The following RTL9 variants were observed in gnomAD, a reference collection of about 807,000 sequenced individuals.
The protein encoded by RTL9 is retrotransposon Gag-like protein 9.
A neutral mutation model predicts 44.7 loss-of-function variants in RTL9; 19 were observed. The ratio of observed to expected loss-of-function variants is 0.42; its 90% CI spans 0.30 to 0.62. RTL9 has a LOEUF of 0.62. Among genes scored for constraint, RTL9 ranks in the 20% least tolerant of loss-of-function variants. The pLI, the probability that RTL9 is intolerant of heterozygous loss-of-function variation, is 0.16. For synonymous variants in RTL9, 407 were observed against 398.9 expected, an observed-to-expected ratio of 1.02 and a Z score of -0.24; for missense variants, 1,105 against 1,080.6, an observed-to-expected ratio of 1.02 and a Z score of -0.32.
chrX:110,428,605 C>A (rs1413010460), intron 1 of RTL9, among the ~76,000 whole-genome samples: 1 of 111,252 alleles, frequency 9.0e-6, no homozygotes. Context: ...AACACTCCCC[C>A]CCTCTCCAAG....
At chrX:110,394,069 C>T (rs1206242904) in intron 1 of RTL9, among the ~76,000 whole-genome samples, 1 of 112,226 alleles carries the variant, frequency 8.9e-6, no homozygotes, top group Non-Finnish European at 1.9e-5. Context: ...TATTCCTTGA[C>T]CTGACCCGCC....
chrX:110,402,796 G>A (rs768776147), intron 1 of RTL9, among the ~76,000 whole-genome samples: 1 of 112,242 alleles, frequency 8.9e-6, no homozygotes, highest in South Asian at 3.8e-4. Context: ...TGTAGGTGAT[G>A]GTTGGGGGTA....
Position 110,402,753 on chromosome X carries a change from A to G in RTL9, c.-167-42400A>G, listed in dbSNP as rs368455132. On this transcript the variant is annotated intron_variant, in intron 1 of 2. Coordinates refer to the RTL9 transcript ENST00000520821. ...GCTTTTGGAGGGAGGTCTAAAGACAAAAAGAGGGCTTTAGTTATTTTTTGA... is the reference window on the plus strand; with the variant it reads ...GCTTTTGGAGGGAGGTCTAAAGACAGAAAGAGGGCTTTAGTTATTTTTTGA... 1.8e-4 allele frequency among the ~76,000 whole-genome samples: 20 copies of G among 112,508 alleles called. No homozygotes were observed. In the East Asian group the frequency reaches 5.6e-3, roughly 32 times the overall value.
intron 1 of RTL9, among the ~76,000 whole-genome samples, chrX:110,377,062 G>A (rs2068381954): frequency 9.0e-6 from 1 of 111,530 alleles, no homozygotes; most frequent in African/African-American, 3.3e-5. Flanking sequence ...GGGGCCACTA[G>A]TAGACAGTAA....
intron 1 of RTL9, among the ~76,000 whole-genome samples, chrX:110,412,507 C>T (rs909258775): frequency 1.8e-5 from 2 of 111,877 alleles, no homozygotes; most frequent in Non-Finnish European, 3.8e-5. Context: ...TGTGTGACTT[C>T]GACCAAGTTT....
chrX:110,363,914 A>T (rs186167081), intron 1 of RTL9, among the ~76,000 whole-genome samples: 318 of 112,234 alleles, frequency 2.8e-3, no homozygotes, highest in Non-Finnish European at 5.3e-3. Flanking sequence ...GACGGAACTG[A>T]GGCTCAGAGA....
chrX:110,429,777 C>T (rs1299247304), intron 1 of RTL9, among the ~76,000 whole-genome samples: 1 of 112,347 alleles, frequency 8.9e-6, no homozygotes, highest in East Asian at 2.8e-4. Context: ...GCCACCATGC[C>T]TGGCTAGAAA....
intron 1 of RTL9, among the ~76,000 whole-genome samples, chrX:110,360,010 C>T (rs189465299): frequency 7.9e-4 from 89 of 112,023 alleles, no homozygotes; most frequent in Non-Finnish European, 5.1e-4. Flanking sequence ...CAGAGAAAAG[C>T]ATAGTATTTG....
upstream of RTL9, chrX:110,450,558 T>C: frequency 9.7e-7 from 1 of 1,031,891 alleles, no homozygotes; most frequent in Non-Finnish European, 1.3e-6. Flanking sequence ...ACTTGTTTCT[T>C]GTTTACAGAT....
At chrX:110,420,755 A>G (rs866948387) in intron 1 of RTL9, among the ~76,000 whole-genome samples, 4 of 111,675 alleles carry the variant, frequency 3.6e-5, no homozygotes, top group Non-Finnish European at 7.5e-5. Flanking sequence ...ACATTTTCCC[A>G]ACTGGCCTCC....
At chrX:110,432,363 C>T (rs993740283) in intron 1 of RTL9, among the ~76,000 whole-genome samples, 4 of 112,377 alleles carry the variant, frequency 3.6e-5, no homozygotes, top group Admixed American at 2.8e-4. Flanking sequence ...TTAGCTGTGG[C>T]ATCAGCAGCA....
intron 1 of RTL9, among the ~76,000 whole-genome samples, chrX:110,365,580 C>A (rs1311332336): frequency 8.9e-6 from 1 of 111,972 alleles, no homozygotes; most frequent in East Asian, 2.8e-4. Context: ...TAATCTCTCT[C>A]TAATATCTTA....
chrX:110,407,481 AT>A (rs977691756), intron 1 of RTL9, among the ~76,000 whole-genome samples: 4 of 112,403 alleles, frequency 3.6e-5, no homozygotes, highest in African/African-American at 9.7e-5. Context: ...AATAACAACC[AT>A]TTACTAGCAG....
intron 1 of RTL9, among the ~76,000 whole-genome samples, chrX:110,380,201 G>A (rs1278619657): frequency 8.9e-6 from 1 of 111,769 alleles, no homozygotes; most frequent in Non-Finnish European, 1.9e-5. Flanking sequence ...AGGAATTAAG[G>A]TTGCAAAATT....
At position 110,373,785 on chromosome X, in the gene RTL9, T is replaced by C. The variant is rs780505963; in HGVS notation, c.-168+14869T>C. On this transcript the variant is annotated intron_variant, in intron 1 of 2. Coordinates refer to the RTL9 transcript ENST00000520821. ...AAAGCAAGAGCACAACTTTCCTCGG[T>C]GTGTGTACACCAAATAAATAGGCCA... Among the ~76,000 whole-genome samples the C allele has an allele frequency of 2.5e-3, 279 of 112,010 alleles. 1 individual carries two copies. The highest frequency in any genetic ancestry group is 4.1e-3 in the Non-Finnish European group (218 of 53,122).
intron 1 of RTL9, among the ~76,000 whole-genome samples, chrX:110,365,636 C>T (rs2068292322): frequency 8.9e-6 from 1 of 111,905 alleles, no homozygotes; most frequent in Non-Finnish European, 1.9e-5. Context: ...CTGATTCTAT[C>T]AGTGTTCCTA....
chrX:110,450,325 G>A (rs765493118), upstream of RTL9, among the ~76,000 whole-genome samples: 1 of 111,506 alleles, frequency 9.0e-6, no homozygotes, highest in South Asian at 3.8e-4. Flanking sequence ...GGAGGCTGCT[G>A]GCGTTTATAG....
intron 1 of RTL9, among the ~76,000 whole-genome samples, chrX:110,379,438 C>A (rs949219255): frequency 2.7e-5 from 3 of 112,521 alleles, no homozygotes; most frequent in East Asian, 5.6e-4. Context: ...GTTGTGACTT[C>A]AGAACTAGAG....
At chrX:110,449,450 C>T (rs1422226119), upstream of RTL9, among the ~76,000 whole-genome samples, 1 of 112,604 alleles carries the variant, frequency 8.9e-6, no homozygotes, top group Non-Finnish European at 1.9e-5. Context: ...AGCAAGTTTT[C>T]TGCTTTTGGC....
Sources: allele counts gnomAD v4.1 joint callset (sites outside exome capture counted in the v4.1 genomes callset), GRCh38; gene constraint gnomAD v4.1.1; transcripts MANE v1.5; gene names NCBI Gene and HGNC (gene_info 2026-07-23, HGNC 2026-07-21).